TMEM87B: variants seen among roughly 807,000 people sequenced by gnomAD.
TMEM87B encodes the protein transmembrane protein 87B.
Under a neutral mutation model 80.3 loss-of-function variants are expected in TMEM87B, and 83 were observed. The observed-to-expected ratio is 1.03, with a 90% CI of 0.87 to 1.24. The LOEUF is 1.24. Among genes scored for constraint, TMEM87B ranks in the 50% most tolerant of loss-of-function variants. TMEM87B has a pLI of 0.00. For missense variants in TMEM87B, 625 were observed against 674.4 expected (o/e 0.93, Z 0.81); for synonymous variants, 219 against 230.5 (o/e 0.95, Z 0.45).
chr2:112,085,899 G>A (rs2104480860), intron 8 of TMEM87B, 106 bp from the exon 9 acceptor site: 1 of 819,062 alleles, frequency 1.2e-6, no homozygotes, highest in South Asian at 1.8e-5. Flanking sequence ...TGGCTGATTG[G>A]TCTGAAGTTC....
At chr2:112,096,454 G>A (rs932490217) in intron 11 of TMEM87B, among the ~76,000 whole-genome samples, 5 of 152,128 alleles carry the variant, frequency 3.3e-5, no homozygotes, top group African/African-American at 1.2e-4. Flanking sequence ...AGATCTTATA[G>A]TCGTAGTATT....
chr2:112,064,057 TG>T, intron 2 of TMEM87B, 104 bp from the exon 3 acceptor site: 1 of 867,374 alleles, frequency 1.2e-6, no homozygotes, highest in Admixed American at 2.4e-5. Context: ...TTTTACTCAT[TG>T]TTACATTAAA....
intron 17 of TMEM87B, among the ~76,000 whole-genome samples, chr2:112,109,664 CTTTTTTTTTTT>C (rs561752709): frequency 0.011 from 499 of 46,358 alleles, 11 homozygotes; most frequent in African/African-American, 0.039. Flanking sequence ...TAAGTATGGT[CTTTTTTTTTTT>C]TTTTTTTTTT....
At chr2:112,099,951 A>G (rs1472258117) in intron 14 of TMEM87B, among the ~76,000 whole-genome samples, 2 of 151,910 alleles carry the variant, frequency 1.3e-5, no homozygotes, top group African/African-American at 2.4e-5. Flanking sequence ...GATCTACCAC[A>G]TTACTTTTAA....
Position 112,066,925 on chromosome 2 carries a change from AC to A in TMEM87B, c.319-9del, listed in dbSNP as rs1190076658. The A allele has an allele frequency of 1.3e-6, 2 of 1,568,944 alleles. No individual in the cohort carries two copies. The highest frequency in any genetic ancestry group is 1.4e-5 in the African/African-American group (1 of 72,332). The stretch of plus-strand genomic sequence containing the variant: ...GGAATAAATTATAACATAGAATTTT[AC>A]CTTATATAGGAGCTGTTCCAAAAAC... On this transcript the variant is annotated splice_polypyrimidine_tract_variant and intron_variant, in intron 3 of 18. Coordinates refer to ENST00000283206, the MANE Select transcript of TMEM87B (RefSeq NM_032824.3).
At chr2:112,092,080 A>G (rs1368024634) in intron 11 of TMEM87B, among the ~76,000 whole-genome samples, 2 of 152,210 alleles carry the variant, frequency 1.3e-5, no homozygotes, top group Admixed American at 1.3e-4. Flanking sequence ...AGACAGATAC[A>G]TAACTGGCAT....
chr2:112,062,145 A>G (rs1399154078), intron 2 of TMEM87B, among the ~76,000 whole-genome samples: 1 of 152,264 alleles, frequency 6.6e-6, no homozygotes, highest in South Asian at 2.1e-4. Flanking sequence ...TAATGTACAC[A>G]TCTACCATTG....
At position 112,069,186 on chromosome 2, in the gene TMEM87B, G is replaced by A. The variant is rs1278510224; in HGVS notation, c.450+2119G>A. Among the ~76,000 whole-genome samples the A allele has an allele frequency of 9.4e-4, 126 of 133,768 alleles. 1 individual carries two copies. The highest frequency in any genetic ancestry group is 2.6e-4 in the Non-Finnish European group (17 of 65,254). The allele number at this position is 133,768 out of a possible 152,430, so 87.8% of individuals were successfully genotyped here. A position where few individuals can be genotyped will look rare whatever the true frequency, so the allele number is the denominator to read the frequency against. On this transcript the variant is annotated intron_variant, in intron 4 of 18. Transcript: ENST00000283206. Reference sequence around the variant, plus strand: ...CGCAGTCTGGCCTGGGCGACAGAGCGAGACTCCGTCTCAAAAAAAAAAAAA... The same window carrying A: ...CGCAGTCTGGCCTGGGCGACAGAGCAAGACTCCGTCTCAAAAAAAAAAAAA...
chr2:112,061,397 C>T (rs1426807999), intron 2 of TMEM87B, among the ~76,000 whole-genome samples: 1 of 152,170 alleles, frequency 6.6e-6, no homozygotes, highest in Admixed American at 6.5e-5. Flanking sequence ...ATGCTCTGCT[C>T]ATTTGTTGGG....
intron 17 of TMEM87B, among the ~76,000 whole-genome samples, chr2:112,109,855 C>T (rs936607544): frequency 2.0e-5 from 3 of 150,972 alleles, no homozygotes; most frequent in Non-Finnish European, 4.4e-5. Flanking sequence ...CAGCCTCTGC[C>T]TCCCAAGTTC....
intron 15 of TMEM87B, 101 bp from the exon 16 acceptor site, chr2:112,105,901 T>C (rs1679751927): frequency 1.3e-6 from 1 of 795,506 alleles, no homozygotes; most frequent in Non-Finnish European, 1.8e-6. Flanking sequence ...TAACCCTCCA[T>C]TTCTAAAAAG....
chr2:112,096,221 C>G (rs1268388086), intron 11 of TMEM87B, among the ~76,000 whole-genome samples: 2 of 152,108 alleles, frequency 1.3e-5, no homozygotes, highest in Non-Finnish European at 2.9e-5. Context: ...AACACTGAAC[C>G]AAACTGTAAG....
chr2:112,062,152 A>T (rs1355937797), intron 2 of TMEM87B, among the ~76,000 whole-genome samples: 1 of 152,240 alleles, frequency 6.6e-6, no homozygotes, highest in Non-Finnish European at 1.5e-5. Flanking sequence ...CACATCTACC[A>T]TTGGGAAAGG....
At chr2:112,090,927 G>C (rs776177871) in intron 10 of TMEM87B, among the ~76,000 whole-genome samples, 5 of 152,052 alleles carry the variant, frequency 3.3e-5, no homozygotes, top group Non-Finnish European at 7.4e-5. Flanking sequence ...TGCATTCTGT[G>C]TTAGATGCTC....
intron 17 of TMEM87B, among the ~76,000 whole-genome samples, chr2:112,109,136 T>G (rs984828271): frequency 7.2e-5 from 11 of 152,354 alleles, no homozygotes; most frequent in East Asian, 3.9e-4. Flanking sequence ...GTTATTTAAC[T>G]AAACTGTGAT....
chr2:112,078,819 C>T (rs1046372863), intron 6 of TMEM87B, among the ~76,000 whole-genome samples: 1 of 152,234 alleles, frequency 6.6e-6, no homozygotes, highest in Admixed American at 6.5e-5. Context: ...TTCCAAGTTA[C>T]GTCAAGGAAG....
At chr2:112,111,480 A>G (rs1268362672) in intron 17 of TMEM87B, among the ~76,000 whole-genome samples, 1 of 152,200 alleles carries the variant, frequency 6.6e-6, no homozygotes, top group Non-Finnish European at 1.5e-5. Context: ...TTCTTATTTG[A>G]TGTCTTCATG....
At position 112,103,202 on chromosome 2, in the gene TMEM87B, C is replaced by A. The variant is rs191051379; in HGVS notation, c.1450+2507C>A. 2.0e-5 allele frequency among the ~76,000 whole-genome samples: 3 copies of A among 152,158 alleles called. No homozygotes were observed. The East Asian group carries it at 5.8e-4, about 29-fold the overall frequency. On this transcript the variant is annotated intron_variant, in intron 15 of 18. Coordinates refer to ENST00000283206, the MANE Select transcript of TMEM87B (RefSeq NM_032824.3). ...AAGGTGAAGTTTAAAATGTTATTTA[C>A]CATACCTTCAAAAATAAAATACTTG...
chr2:112,083,743 G>A (rs1157684757), intron 8 of TMEM87B, among the ~76,000 whole-genome samples: 1 of 152,156 alleles, frequency 6.6e-6, no homozygotes, highest in African/African-American at 2.4e-5. Flanking sequence ...CAGATTTTAG[G>A]CCTTGTTGCT....
Sources: allele counts gnomAD v4.1 joint callset (sites outside exome capture counted in the v4.1 genomes callset), GRCh38; gene constraint gnomAD v4.1.1; transcripts MANE v1.5; gene names NCBI Gene and HGNC (gene_info 2026-07-23, HGNC 2026-07-21).